The following FAM20C variants were observed in gnomAD, a reference collection of about 807,000 sequenced individuals.
The protein encoded by FAM20C is extracellular serine/threonine protein kinase FAM20C.
A neutral mutation model predicts 51.5 loss-of-function variants in FAM20C; 40 were observed. The observed-to-expected ratio is 0.78, with a 90% CI of 0.60 to 1.01. The LOEUF (loss-of-function observed/expected upper bound fraction) is 1.01. Among genes scored for constraint, FAM20C ranks in the 50% least tolerant of loss-of-function variants. The pLI, the probability that FAM20C is intolerant of heterozygous loss-of-function variation, is 0.00. For synonymous variants in FAM20C, 406 were observed against 380.6 expected, an observed-to-expected ratio of 1.07 and a Z score of -0.78; for missense variants, 861 against 844.7, an observed-to-expected ratio of 1.02 and a Z score of -0.24.
chr7:257,034 T>C lies in FAM20C; in HGVS notation c.1393T>C (p.Phe465Leu). 1 of 1,537,084 alleles carries C rather than the reference T, an allele frequency of 6.5e-7. No homozygotes were observed. Among genetic ancestry groups the C allele is most frequent in the Non-Finnish European group, 8.7e-7 (1 of 1,146,868 alleles). ...CATGGACCGTCACCACTACGAGACT[T>C]TTGAGAAGTTTGGGAATGAAACGTT... ...GNMDRHHYET[F>L]EKFGNETFII... is the part of the protein sequence containing the mutation. Residue 465 changes from phenylalanine (F) to leucine (L), a missense_variant, in exon 8 of 10, where the codon TTT (phenylalanine) becomes CTT (leucine). By Grantham distance (22) the Phe-to-Leu change is conservative. This residue lies in a region of FAM20C where 269 missense variants were observed against 283.8 expected (regional missense o/e 0.95). Transcript: ENST00000313766.
chr7:218,858 C>T (rs28445798), intron 3 of FAM20C, among the ~76,000 whole-genome samples: 54,078 of 125,430 alleles, frequency 0.43, 15,293 homozygotes, highest in South Asian at 0.6. Context: ...GGGCCCAGGA[C>T]GCACAGATCA....
chr7:255,256 T>C (rs571145902), intron 5 of FAM20C, among the ~76,000 whole-genome samples: 5 of 152,284 alleles, frequency 3.3e-5, no homozygotes, highest in Admixed American at 3.3e-4. Flanking sequence ...AGCTGCTCTT[T>C]TGATGGAAGC....
intron 2 of FAM20C, chr7:197,661 G>A (rs1488075000): frequency 6.6e-6 from 1 of 152,376 alleles, no homozygotes; most frequent in African/African-American, 2.4e-5. Flanking sequence ...CACAGGCAGG[G>A]TCTGAGCAGA....
rs117863714 is a variant in FAM20C, at chr7:220,651, G to A, written c.863+11675G>A. ...CCTGAATGGCATGGTCGGCAGCAGG[G>A]GGCGGTCTGGAGAGGAACATTCCTG... On this transcript the variant is annotated intron_variant, in intron 3 of 9. Coordinates refer to ENST00000313766, the MANE Select transcript of FAM20C (RefSeq NM_020223.4). Among the ~76,000 whole-genome samples the A allele has an allele frequency of 1.6e-3, 245 of 152,328 alleles. 2 individuals are homozygous for A. In the East Asian group the frequency reaches 0.04, roughly 25 times the overall value.
intron 3 of FAM20C, among the ~76,000 whole-genome samples, chr7:213,704 G>T (rs180725648): frequency 2.0e-5 from 3 of 152,300 alleles, no homozygotes; most frequent in Admixed American, 6.5e-5. Context: ...GCCGGATCAC[G>T]TGATAACTGC....
chr7:193,726 C>T lies in FAM20C; in HGVS notation c.527C>T (p.Pro176Leu). 6.5e-7 allele frequency: 1 copy of T among 1,547,406 alleles called. No individual in the cohort carries two copies. Among genetic ancestry groups the T allele is most frequent in the Non-Finnish European group, 8.7e-7 (1 of 1,145,392 alleles). ...EHPLYRVAVP[P>L]LTEEDVLFNV... ...CCGCTTTACCGGGTGGCGGTTCCGCCGCTCACGGAGGAGGACGTCCTGTTC... is the reference window on the plus strand; with the variant it reads ...CCGCTTTACCGGGTGGCGGTTCCGCTGCTCACGGAGGAGGACGTCCTGTTC... Residue 176 changes from proline to leucine, a missense_variant, in exon 1 of 10, where the codon CCG (proline) becomes CTG (leucine). Transcript: ENST00000313766.
chr7:251,408 C>G (rs987293194), intron 5 of FAM20C, among the ~76,000 whole-genome samples: 2 of 152,172 alleles, frequency 1.3e-5, no homozygotes, highest in African/African-American at 4.8e-5. Flanking sequence ...ATTCCAGCAA[C>G]TCAGGAGGCT....
chr7:201,266 G>A lies in FAM20C; in HGVS notation c.784+5534G>A, dbSNP rs534291818. On this transcript the variant is annotated intron_variant, in intron 2 of 9. Coordinates refer to ENST00000313766, the MANE Select transcript of FAM20C (RefSeq NM_020223.4). ...AAGGACAGACGCTGGCCCTCTTGAC[G>A]GACGAGATGACCAGGGCCAAAGGCG... 4.9e-4 allele frequency among the ~76,000 whole-genome samples: 75 copies of A among 152,344 alleles called. 1 individual carries two copies. The highest frequency in any genetic ancestry group is 1.7e-3 in the African/African-American group (71 of 41,574).
At chr7:257,118 G>A (rs1466964497) in intron 8 of FAM20C, 32 bp downstream of exon 8, 4 of 1,533,870 alleles carry the variant, frequency 2.6e-6, no homozygotes, top group African/African-American at 1.4e-5. Context: ...CACACCCAGG[G>A]AAGGGCCGGC....
intron 3 of FAM20C, among the ~76,000 whole-genome samples, chr7:212,536 C>T (rs996341566): frequency 6.6e-6 from 1 of 152,058 alleles, no homozygotes; most frequent in Non-Finnish European, 1.5e-5. Flanking sequence ...CCTAGTACAA[C>T]GTCGTGAATT....
rs532627781 is a variant in FAM20C at position 213,213 on chromosome 7, A to G, written c.863+4237A>G. On this transcript the variant is annotated intron_variant, in intron 3 of 9. Coordinates refer to ENST00000313766, the MANE Select transcript of FAM20C (RefSeq NM_020223.4). Reference sequence around the variant, plus strand: ...ACGGCTGTGGAGTTGTGCAGTGTGTAGTCCTTTGTGAGTGACATGGAGGGC... The same window carrying G: ...ACGGCTGTGGAGTTGTGCAGTGTGTGGTCCTTTGTGAGTGACATGGAGGGC... 7.3e-3 allele frequency among the ~76,000 whole-genome samples: 972 copies of G among 132,434 alleles called. 6 individuals carry two copies. The highest frequency in any genetic ancestry group is 0.023 in the African/African-American group (887 of 38,048). The allele number at this position is 132,434 out of a possible 152,430, so 86.9% of individuals were successfully genotyped here.
chr7:237,141 A>C (rs1787873427), intron 3 of FAM20C, among the ~76,000 whole-genome samples: 1 of 152,200 alleles, frequency 6.6e-6, no homozygotes, highest in Non-Finnish European at 1.5e-5. Flanking sequence ...TTGTTCTGTG[A>C]ACAGCCAGCG....
intron 1 of FAM20C, among the ~76,000 whole-genome samples, chr7:194,955 C>T (rs1175216379): frequency 2.0e-5 from 3 of 152,326 alleles, no homozygotes; most frequent in East Asian, 1.9e-4. Context: ...GCTGCGTGGG[C>T]GGCGGGTCCT....
At chr7:213,503 A>G (rs961509519) in intron 3 of FAM20C, among the ~76,000 whole-genome samples, 1 of 152,242 alleles carries the variant, frequency 6.6e-6, no homozygotes, top group African/African-American at 2.4e-5. Flanking sequence ...TGCAGCACGC[A>G]TAGGTGCCTC....
chr7:216,514 G>C (rs1443931568), intron 3 of FAM20C, among the ~76,000 whole-genome samples: 1 of 151,882 alleles, frequency 6.6e-6, no homozygotes, highest in Non-Finnish European at 1.5e-5. Flanking sequence ...ACTGAGGAAA[G>C]GCCAGCTGGG....
intron 9 of FAM20C, among the ~76,000 whole-genome samples, 186 bp downstream of exon 9, chr7:258,891 C>G (rs139134353): frequency 6.6e-6 from 1 of 152,176 alleles, no homozygotes; most frequent in Non-Finnish European, 1.5e-5. Flanking sequence ...AGACCTCACC[C>G]GCCCACCACC....
chr7:242,690 T>C (rs558065099), intron 3 of FAM20C, among the ~76,000 whole-genome samples: 1 of 152,262 alleles, frequency 6.6e-6, no homozygotes, highest in East Asian at 1.9e-4. Flanking sequence ...AAATCAGACT[T>C]AAAACTCAGT....
intron 9 of FAM20C, among the ~76,000 whole-genome samples, chr7:259,364 TCA>T (rs1340752476): frequency 3.9e-5 from 6 of 152,170 alleles, no homozygotes; most frequent in African/African-American, 1.4e-4. Flanking sequence ...CCGAAGCAGG[TCA>T]CACAGCCCGG....
At chr7:195,830 G>A (rs796991891) in intron 2 of FAM20C, 98 bp downstream of exon 2, 44 of 1,220,648 alleles carry the variant, frequency 3.6e-5, no homozygotes, top group Middle Eastern at 2.5e-4. Context: ...CTGGGAGGCC[G>A]TTGCTCATTA....
Sources: gnomAD v4.1 joint callset for allele counts (sites outside exome capture counted in the v4.1 genomes callset) on GRCh38, gnomAD v4.1.1 for gene constraint, gnomAD v4.1.1 regional missense constraint, MANE v1.5 for transcripts, NCBI Gene and HGNC (gene_info 2026-07-23, HGNC 2026-07-21) for gene names.